MBD5: variants seen among roughly 807,000 people sequenced by gnomAD.
The protein encoded by MBD5 is methyl-CpG-binding domain protein 5.
In MBD5, 13 loss-of-function variants were observed where a neutral mutation model predicts 117.3. The ratio of observed to expected loss-of-function variants is 0.11; its 90% CI spans 0.07 to 0.18. The LOEUF (loss-of-function observed/expected upper bound fraction) is 0.18, where lower values mean the gene tolerates loss of function less well. Among genes scored for constraint, MBD5 ranks in the 10% least tolerant of loss-of-function variants. The pLI, the probability that MBD5 is intolerant of heterozygous loss-of-function variation, is 1.00. For synonymous variants in MBD5, 727 were observed against 766.4 expected (o/e 0.95, Z 0.85); for missense variants, 1,879 against 2,093.8 (o/e 0.90, Z 2.00).
At chr2:148,031,880 A>G (rs1694049331) in intron 1 of MBD5, among the ~76,000 whole-genome samples, 2 of 152,102 alleles carry the variant, frequency 1.3e-5, no homozygotes, top group African/African-American at 4.8e-5. Context: ...CACAATTAAA[A>G]CTATAAATCA....
At chr2:148,327,603 C>T (rs868434714) in intron 3 of MBD5, among the ~76,000 whole-genome samples, 98 of 151,842 alleles carry the variant, frequency 6.5e-4, no homozygotes, top group African/African-American at 2.1e-3. Flanking sequence ...CATCTTCCAT[C>T]GCTGATACCC....
intron 1 of MBD5, among the ~76,000 whole-genome samples, chr2:148,030,723 A>G (rs1447119984): frequency 1.3e-5 from 2 of 152,218 alleles, no homozygotes; most frequent in African/African-American, 4.8e-5. Context: ...ATATTCATGT[A>G]ATGATTTTTG....
At chr2:148,137,613 C>T (rs187250157) in intron 1 of MBD5, among the ~76,000 whole-genome samples, 14 of 152,234 alleles carry the variant, frequency 9.2e-5, no homozygotes, top group Non-Finnish European at 1.9e-4. Context: ...TCAATCGAAT[C>T]GAGTCGTACC....
intron 2 of MBD5, among the ~76,000 whole-genome samples, chr2:148,198,101 C>T (rs1338064097): frequency 6.6e-6 from 1 of 152,180 alleles, no homozygotes; most frequent in African/African-American, 2.4e-5. Context: ...TGACTGGCTA[C>T]ACTAACTTAT....
At chr2:148,390,272 G>T (rs2105522323) in intron 4 of MBD5, among the ~76,000 whole-genome samples, 1 of 151,936 alleles carries the variant, frequency 6.6e-6, no homozygotes, top group Non-Finnish European at 1.5e-5. Flanking sequence ...CTGTTGCATT[G>T]ATCTGTGTGT....
In MBD5 at chr2:148,502,104, G is replaced by A. The variant is rs1681889970; in HGVS notation, c.4963-332G>A. Among the ~76,000 whole-genome samples the A allele has an allele frequency of 6.6e-5, 10 of 152,290 alleles. No homozygotes were observed. The South Asian group carries it at 2.1e-3, about 32-fold the overall frequency. ...CACAGTAGTCTGATACTACAGATTTGCAGTTGCTAAGAAAGTGAACCAGGA... is the reference window on the plus strand; with the variant it reads ...CACAGTAGTCTGATACTACAGATTTACAGTTGCTAAGAAAGTGAACCAGGA... On this transcript the variant is annotated intron_variant, in intron 11 of 13. Transcript: ENST00000642680.
At chr2:148,154,926 C>G (rs1253159501) in intron 1 of MBD5, among the ~76,000 whole-genome samples, 2 of 152,166 alleles carry the variant, frequency 1.3e-5, no homozygotes, top group Non-Finnish European at 2.9e-5. Context: ...TAGACAGGAG[C>G]TATTCCTATT....
intron 2 of MBD5, among the ~76,000 whole-genome samples, chr2:148,209,059 A>T (rs1003654026): frequency 2.0e-5 from 3 of 152,180 alleles, no homozygotes; most frequent in Non-Finnish European, 4.4e-5. Context: ...GGCATAATAT[A>T]TTGTAACTTT....
At chr2:148,085,500 G>A (rs950461622) in intron 1 of MBD5, among the ~76,000 whole-genome samples, 3 of 151,890 alleles carry the variant, frequency 2.0e-5, no homozygotes, top group East Asian at 1.9e-4. Flanking sequence ...CAAGGCGGGC[G>A]GATCACGAGG....
At chr2:148,161,014 C>G (rs902381739) in intron 1 of MBD5, among the ~76,000 whole-genome samples, 2 of 152,086 alleles carry the variant, frequency 1.3e-5, no homozygotes, top group East Asian at 3.9e-4. Context: ...TGCCTTCTAC[C>G]TTTTCTTCTG....
At chr2:148,107,669 T>A (rs187252617) in intron 1 of MBD5, among the ~76,000 whole-genome samples, 3 of 151,558 alleles carry the variant, frequency 2.0e-5, no homozygotes, top group Admixed American at 1.3e-4. Context: ...TTTTTAGAAA[T>A]TTTTTTTTGA....
chr2:148,261,397 C>T (rs1402376798), intron 3 of MBD5, among the ~76,000 whole-genome samples: 1 of 152,174 alleles, frequency 6.6e-6, no homozygotes, highest in Admixed American at 6.5e-5. Context: ...TGCAGCTTCT[C>T]CATCAGAACT....
intron 1 of MBD5, among the ~76,000 whole-genome samples, chr2:148,152,406 G>A (rs934301670): frequency 6.6e-6 from 1 of 152,162 alleles, no homozygotes; most frequent in South Asian, 2.1e-4. Flanking sequence ...TGAAAAAAGT[G>A]TATATTCTGT....
chr2:148,046,889 T>C (rs1361532815), intron 1 of MBD5, among the ~76,000 whole-genome samples: 2 of 152,230 alleles, frequency 1.3e-5, no homozygotes, highest in Non-Finnish European at 2.9e-5. Context: ...CTATTTTCAA[T>C]CTGAAGTATA....
chr2:148,311,407 C>G (rs1248072753), intron 3 of MBD5, among the ~76,000 whole-genome samples: 6 of 152,108 alleles, frequency 3.9e-5, no homozygotes, highest in African/African-American at 1.4e-4. Context: ...ATGTAAAGCC[C>G]TTCTTTGTCT....
chr2:148,328,570 A>C (rs1306421299), intron 3 of MBD5, among the ~76,000 whole-genome samples: 5 of 152,224 alleles, frequency 3.3e-5, no homozygotes, highest in Non-Finnish European at 5.9e-5. Context: ...CCCATCGGAA[A>C]AGCGCAGTAT....
chr2:148,482,076 T>TG (rs2105062328), intron 8 of MBD5, among the ~76,000 whole-genome samples: 1 of 152,248 alleles, frequency 6.6e-6, no homozygotes, highest in African/African-American at 2.4e-5. Context: ...AATAGAGTAT[T>TG]GGTGAGAGAA....
chr2:148,040,333 T>A (rs888109746), intron 1 of MBD5, among the ~76,000 whole-genome samples: 1 of 152,010 alleles, frequency 6.6e-6, no homozygotes, highest in Non-Finnish European at 1.5e-5. Context: ...CTCCAGCCTT[T>A]CATAAAAAAA....
chr2:148,446,585 C>T (rs2197582), intron 4 of MBD5, among the ~76,000 whole-genome samples: 103,408 of 147,788 alleles, frequency 0.7, 35,714 homozygotes, highest in Admixed American at 0.78. Flanking sequence ...AATTAATTTA[C>T]ATACCAGATT....
Sources: allele counts gnomAD v4.1 joint callset (sites outside exome capture counted in the v4.1 genomes callset), GRCh38; gene constraint gnomAD v4.1.1; transcripts MANE v1.5; gene names NCBI Gene and HGNC (gene_info 2026-07-23, HGNC 2026-07-21).